The following PARD3B variants were observed in gnomAD, a reference collection of about 807,000 sequenced individuals.
PARD3B encodes the protein partitioning defective 3 homolog B.
PARD3B carries 103 observed loss-of-function variants against 130.2 expected under a neutral mutation model. The observed-to-expected ratio is 0.79, with a 90% confidence interval of 0.67 to 0.93. The LOEUF (loss-of-function observed/expected upper bound fraction) is 0.93, where lower values mean the gene tolerates loss of function less well. Among genes scored for constraint, PARD3B ranks in the 40% least tolerant of loss-of-function variants. PARD3B has a pLI of 0.00. For missense variants in PARD3B, 1,609 were observed against 1,499.2 expected (o/e 1.07, Z -1.21); for synonymous variants, 583 against 553.2 (o/e 1.05, Z -0.76).
intron 4 of PARD3B, among the ~76,000 whole-genome samples, chr2:205,050,816 A>G (rs1208593832): frequency 3.3e-5 from 5 of 152,006 alleles, no homozygotes; most frequent in Non-Finnish European, 4.4e-5. Flanking sequence ...AAAATTGGGT[A>G]TAGCATGCAT....
chr2:205,235,754 A>C (rs993443812), intron 15 of PARD3B, among the ~76,000 whole-genome samples: 1 of 152,226 alleles, frequency 6.6e-6, no homozygotes, highest in Non-Finnish European at 1.5e-5. Context: ...TGAATTTTCC[A>C]TTTAATATTT....
chr2:204,915,437 A>T (rs572837660), intron 2 of PARD3B, among the ~76,000 whole-genome samples: 92 of 152,302 alleles, frequency 6.0e-4, no homozygotes, highest in African/African-American at 2.1e-3. Flanking sequence ...TTTGTTATGC[A>T]TCGTTTAAGG....
rs1261002066 is a variant in PARD3B at position 205,280,037 on chromosome 2, A to T, written c.2186-20493A>T. 6.6e-6 allele frequency among the ~76,000 whole-genome samples: 1 copy of T among 152,222 alleles called. No homozygotes were observed. Among genetic ancestry groups the T allele is most frequent in the African/African-American group, 2.4e-5 (1 of 41,464 alleles). Reference sequence around the variant, plus strand: ...CATGAAAAGCAAAGCTACATTTAAAATTTTAAACCATAAGCTATTAGAGAA... The same window carrying T: ...CATGAAAAGCAAAGCTACATTTAAATTTTTAAACCATAAGCTATTAGAGAA... On this transcript the variant is annotated intron_variant, in intron 16 of 22. Coordinates refer to ENST00000406610, the MANE Select transcript of PARD3B (RefSeq NM_001302769.2). This position sits in a 1 kb window ranked among gnomAD's most constrained non-coding sequence, Gnocchi z 4.7.
intron 22 of PARD3B, among the ~76,000 whole-genome samples, chr2:205,578,055 C>G (rs913579988): frequency 3.3e-5 from 5 of 152,080 alleles, no homozygotes; most frequent in African/African-American, 1.2e-4. Flanking sequence ...CAGTGTGTAT[C>G]CACTCTTTAG....
chr2:204,921,627 A>G (rs538951672), intron 2 of PARD3B, among the ~76,000 whole-genome samples: 39 of 152,258 alleles, frequency 2.6e-4, no homozygotes, highest in African/African-American at 9.1e-4. Flanking sequence ...TTGGTGGTAA[A>G]TAGGACTAGA....
Position 205,124,474 on chromosome 2 carries a change from T to G in PARD3B, c.1305+8T>G, listed in dbSNP as rs754205025. ...GGGGACAGAATTTTGGAGGTAAGAA[T>G]TGGAATTAATAGTTGTATGAAAATA... is the stretch of plus-strand genomic sequence containing the variant. On this transcript the variant is annotated splice_region_variant and intron_variant, in intron 9 of 22. Coordinates refer to ENST00000406610, the MANE Select transcript of PARD3B (RefSeq NM_001302769.2). 3 of 1,575,732 alleles carry G rather than the reference T, an allele frequency of 1.9e-6. No individual in the cohort carries two copies. The Admixed American group carries it at 5.3e-5, about 28-fold the overall frequency.
At position 205,589,017 on chromosome 2, in the gene PARD3B, G is replaced by A. The variant is rs937248398; in HGVS notation, c.3261-26439G>A. Among the ~76,000 whole-genome samples the A allele has an allele frequency of 2.6e-5, 4 of 152,198 alleles. No individual in the cohort carries two copies. Among genetic ancestry groups the A allele is most frequent in the African/African-American group, 9.6e-5 (4 of 41,452 alleles). ...AAATAAGCATCTCTGGCTGGGCATG[G>A]TGGCTCATGCCCATAATCCCAGCAC... On this transcript the variant is annotated intron_variant, in intron 22 of 22. Transcript: ENST00000406610. This position sits in a 1 kb window ranked among gnomAD's most constrained non-coding sequence, Gnocchi z 4.1.
chr2:204,792,922 C>T (rs1051334709), intron 2 of PARD3B, among the ~76,000 whole-genome samples: 3 of 151,474 alleles, frequency 2.0e-5, no homozygotes, highest in South Asian at 2.1e-4. Flanking sequence ...TTTATAGACC[C>T]GTTCATCACC....
At chr2:205,279,078 A>AAAAC (rs2041078731) in intron 16 of PARD3B, among the ~76,000 whole-genome samples, 2 of 149,164 alleles carry the variant, frequency 1.3e-5, no homozygotes, top group Non-Finnish European at 3.0e-5. Context: ...CTCAAAAAAA[A>AAAAC]AAAAAAAAAA....
chr2:205,582,965 T>G (rs919667912), intron 22 of PARD3B, among the ~76,000 whole-genome samples: 2 of 152,124 alleles, frequency 1.3e-5, no homozygotes, highest in Non-Finnish European at 2.9e-5. Context: ...TAGCAGGGAA[T>G]GGGTGCTTAT....
intron 6 of PARD3B, among the ~76,000 whole-genome samples, chr2:205,118,132 C>T (rs1233325959): frequency 6.6e-6 from 1 of 152,190 alleles, no homozygotes; most frequent in African/African-American, 2.4e-5. Context: ...CTGCCCTACT[C>T]GGAAGCGGGG....
At chr2:205,050,444 G>A (rs1699113014) in intron 4 of PARD3B, among the ~76,000 whole-genome samples, 1 of 151,576 alleles carries the variant, frequency 6.6e-6, no homozygotes, top group African/African-American at 2.4e-5. Flanking sequence ...TCCTTGCATA[G>A]CCAAACTTAT....
At position 205,364,338 on chromosome 2, in the gene PARD3B, T is replaced by C. The variant is rs2044516815; in HGVS notation, c.2631-36675T>C. On this transcript the variant is annotated intron_variant, in intron 18 of 22. Transcript: ENST00000406610. ...TCTTTTTTGTTAGTCTTGACGTAGA[T>C]AAGAGAAATGGCATTCCCTAGTGTA... Among the ~76,000 whole-genome samples the C allele has an allele frequency of 2.0e-5, 3 of 152,296 alleles. No individual in the cohort carries two copies. In the South Asian group the frequency reaches 6.2e-4, roughly 32 times the overall value.
chr2:204,674,370 T>A (rs1405656901), intron 1 of PARD3B, among the ~76,000 whole-genome samples: 1 of 152,188 alleles, frequency 6.6e-6, no homozygotes, highest in Non-Finnish European at 1.5e-5. Context: ...CTGTGATCCC[T>A]CTGCAGCATT....
At chr2:205,278,405 G>A (rs907731361) in intron 16 of PARD3B, among the ~76,000 whole-genome samples, 4 of 152,180 alleles carry the variant, frequency 2.6e-5, no homozygotes, top group Non-Finnish European at 5.9e-5. Flanking sequence ...TAGGCTTGGG[G>A]GGGAGAGGGG....
At position 205,590,287 on chromosome 2, in the gene PARD3B, A is replaced by G. The variant is rs1402657411; in HGVS notation, c.3261-25169A>G. On this transcript the variant is annotated intron_variant, in intron 22 of 22. Coordinates refer to ENST00000406610, the MANE Select transcript of PARD3B (RefSeq NM_001302769.2). This position sits in a 1 kb window ranked among gnomAD's most constrained non-coding sequence, Gnocchi z 4.1. ...GTCAGCACTTGGCTTCTTTCTCCCCATCTCTCGACTGTTTTCTTCATTGTT... is the reference window on the plus strand; with the variant it reads ...GTCAGCACTTGGCTTCTTTCTCCCCGTCTCTCGACTGTTTTCTTCATTGTT... Among the ~76,000 whole-genome samples the G allele has an allele frequency of 6.6e-6, 1 of 151,982 alleles. No homozygotes were observed. Among genetic ancestry groups the G allele is most frequent in the Non-Finnish European group, 1.5e-5 (1 of 67,986 alleles).
intron 1 of PARD3B, among the ~76,000 whole-genome samples, chr2:204,640,799 A>G (rs1448019984): frequency 2.0e-5 from 3 of 151,888 alleles, no homozygotes; most frequent in African/African-American, 7.2e-5. Flanking sequence ...TTAAGTATCC[A>G]GAAAGCATGA....
chr2:204,917,221 G>C (rs1041305127), intron 2 of PARD3B, among the ~76,000 whole-genome samples: 1 of 152,100 alleles, frequency 6.6e-6, no homozygotes, highest in African/African-American at 2.4e-5. Flanking sequence ...GGCCTTGTAG[G>C]CTATTCTAAG....
chr2:205,016,749 T>C (rs1696178621), intron 3 of PARD3B, among the ~76,000 whole-genome samples: 1 of 152,292 alleles, frequency 6.6e-6, no homozygotes, highest in East Asian at 1.9e-4. Context: ...TCTTTGAACT[T>C]GGACCACTGT....
Sources: gnomAD v4.1 joint callset for allele counts (sites outside exome capture counted in the v4.1 genomes callset) on GRCh38, gnomAD v4.1.1 for gene constraint, Gnocchi (gnomAD v3.1) non-coding constraint, MANE v1.5 for transcripts, NCBI Gene and HGNC (gene_info 2026-07-23, HGNC 2026-07-21) for gene names.